The following WDFY4 variants were observed in gnomAD, a reference collection of about 807,000 sequenced individuals.
The protein encoded by WDFY4 is WD repeat- and FYVE domain-containing protein 4.
Under a neutral mutation model 351.9 loss-of-function variants are expected in WDFY4, and 169 were observed. The observed-to-expected ratio is 0.48, with a 90% CI of 0.42 to 0.55. The LOEUF is 0.55. Among genes scored for constraint, WDFY4 ranks in the 20% least tolerant of loss-of-function variants. The probability of loss-of-function intolerance (pLI) is 0.00; values close to 1 mark genes in which losing one functional copy is unlikely to be tolerated. For missense variants in WDFY4, 3,803 were observed against 3,935.6 expected, an observed-to-expected ratio of 0.97 and a Z score of 0.90; for synonymous variants, 1,622 against 1,574.6, an observed-to-expected ratio of 1.03 and a Z score of -0.71.
At chr10:48,953,333 T>TCTCTCTCA (rs771339557) in intron 51 of WDFY4, among the ~76,000 whole-genome samples, 61 of 128,224 alleles carry the variant, frequency 4.8e-4, no homozygotes, top group African/African-American at 1.3e-3. Flanking sequence ...TCTCTCTCTC[T>TCTCTCTCA]CACACACACA....
intron 57 of WDFY4, among the ~76,000 whole-genome samples, chr10:48,974,518 A>AAAAAAAAAAAAAAAAAACAAC (rs1287019683): frequency 7.1e-5 from 2 of 27,974 alleles, no homozygotes; most frequent in Non-Finnish European, 3.8e-4. Context: ...AAAAAAAAAA[A>AAAAAAAAAAAAAAAAAACAAC]AAAAAAAAAA....
At chr10:48,788,720 T>A (rs781232768) in intron 21 of WDFY4, 45 bp downstream of exon 21, 5 of 1,545,340 alleles carry the variant, frequency 3.2e-6, no homozygotes, top group Non-Finnish European at 4.4e-6. Flanking sequence ...GAATCTGGTT[T>A]CATGGTTTGC....
Position 48,804,733 on chromosome 10 carries a change from G to C in WDFY4, c.4485-527G>C, listed in dbSNP as rs1238120947. ...TATCCTGGGAGCTGTTTTCTTTGGG[G>C]GAGTAGAATTTACTGGAAATTGGAT... On this transcript the variant is annotated intron_variant, in intron 25 of 61. Coordinates refer to ENST00000325239, the MANE Select transcript of WDFY4 (RefSeq NM_001394531.1). 7.1e-6 allele frequency: 7 copies of C among 984,888 alleles called. No individual in the cohort carries two copies. In the Admixed American group the frequency reaches 1.8e-4, roughly 26 times the overall value. The allele number at this position is 984,888 out of a possible 1,614,324, so 61.0% of individuals were successfully genotyped here. A position where few individuals can be genotyped will look rare whatever the true frequency, so the allele number is the denominator to read the frequency against.
intron 23 of WDFY4, among the ~76,000 whole-genome samples, chr10:48,795,374 T>C (rs964819835): frequency 2.0e-5 from 3 of 151,342 alleles, no homozygotes; most frequent in Non-Finnish European, 4.4e-5. Context: ...TGAGTGTCAG[T>C]TTGACATTTG....
chr10:48,721,576 G>A (rs765601397), intron 4 of WDFY4, among the ~76,000 whole-genome samples: 3 of 152,194 alleles, frequency 2.0e-5, no homozygotes, highest in Admixed American at 6.5e-5. Flanking sequence ...GTGTGTAACT[G>A]TGGCCAGATT....
intron 34 of WDFY4, among the ~76,000 whole-genome samples, chr10:48,821,544 G>T (rs1219423136): frequency 6.6e-6 from 1 of 152,218 alleles, no homozygotes; most frequent in Non-Finnish European, 1.5e-5. Context: ...CGGGATAGGT[G>T]CACAGCTGAT....
At chr10:48,961,102 C>T (rs1841840352) in intron 53 of WDFY4, among the ~76,000 whole-genome samples, 1 of 152,184 alleles carries the variant, frequency 6.6e-6, no homozygotes, top group African/African-American at 2.4e-5. Context: ...GTAAAAATAA[C>T]CTGAGGCAGG....
chr10:48,764,131 C>T (rs1213357282), intron 13 of WDFY4, among the ~76,000 whole-genome samples: 1 of 152,234 alleles, frequency 6.6e-6, no homozygotes, highest in Non-Finnish European at 1.5e-5. Context: ...TCTCTCTCCT[C>T]TATGGATGAG....
rs1208115265 is a variant in WDFY4 at position 48,790,716 on chromosome 10, A to T, written c.4067-11A>T. 1.9e-6 allele frequency: 3 copies of T among 1,550,440 alleles called. No homozygotes were observed. In the East Asian group the frequency reaches 7.3e-5, roughly 38 times the overall value. ...GACATGTTGATGAAATGCCCACTTTATGCCACACAGGGGTGAGGGTATTCC... is the reference window on the plus strand; with the variant it reads ...GACATGTTGATGAAATGCCCACTTTTTGCCACACAGGGGTGAGGGTATTCC... On this transcript the variant is annotated splice_polypyrimidine_tract_variant and intron_variant, in intron 22 of 61. Coordinates refer to ENST00000325239, the MANE Select transcript of WDFY4 (RefSeq NM_001394531.1).
chr10:48,844,173 G>T (rs1027512136), intron 39 of WDFY4, among the ~76,000 whole-genome samples: 12 of 152,238 alleles, frequency 7.9e-5, no homozygotes, highest in African/African-American at 1.4e-4. Context: ...CTCAGAACAG[G>T]AAGTTCTGAA....
At chr10:48,789,699 C>T (rs2066613935) in intron 21 of WDFY4, among the ~76,000 whole-genome samples, 175 bp from the exon 22 acceptor site, 1 of 152,224 alleles carries the variant, frequency 6.6e-6, no homozygotes, top group Admixed American at 6.5e-5. Flanking sequence ...ATGCATGAGC[C>T]TGAATTTGGC....
intron 48 of WDFY4, 40 bp downstream of exon 48, chr10:48,941,888 A>T: frequency 3.2e-6 from 5 of 1,546,716 alleles, no homozygotes; most frequent in Non-Finnish European, 4.4e-6. Context: ...CTGGGAATGC[A>T]AACCAGAGAA....
rs1281234650 is a variant in WDFY4 at position 48,970,215 on chromosome 10, G to C, written c.8854G>C (p.Gly2952Arg). ...ATCCCCAACAACGATTGTCACCTCT[G>C]GGACCAGCACTGTGGTGTGTGTGTG... is the stretch of plus-strand genomic sequence containing the variant. ...CPSPTTIVTS[G>R]TSTVVCVWEL... Residue 2952 changes from glycine (G) to arginine (R), a missense_variant, in exon 57 of 62, where the codon GGG becomes CGG. By Grantham distance (125) the Gly-to-Arg change is moderately radical. Transcript: ENST00000325239. The C allele has an allele frequency of 5.8e-6, 9 of 1,551,748 alleles. No homozygotes were observed. Among genetic ancestry groups the C allele is most frequent in the Non-Finnish European group, 7.0e-6 (8 of 1,147,008 alleles).
chr10:48,916,472 A>G (rs1290448395), intron 47 of WDFY4, among the ~76,000 whole-genome samples: 1 of 152,238 alleles, frequency 6.6e-6, no homozygotes, highest in Non-Finnish European at 1.5e-5. Flanking sequence ...AGCTGGAAGA[A>G]GAGAACCATT....
chr10:48,976,104 A>G (rs1425971785), intron 58 of WDFY4, among the ~76,000 whole-genome samples: 2 of 152,174 alleles, frequency 1.3e-5, no homozygotes, highest in African/African-American at 4.8e-5. Flanking sequence ...CCTCAGACAG[A>G]CCATCCCTAA....
chr10:48,926,308 AC>A (rs750623841), intron 47 of WDFY4, among the ~76,000 whole-genome samples: 46 of 152,232 alleles, frequency 3.0e-4, no homozygotes, highest in Non-Finnish European at 5.1e-4. Flanking sequence ...TGACATTGGA[AC>A]CAAGGATTGT....
chr10:48,860,638 A>G (rs2069304090), intron 39 of WDFY4, among the ~76,000 whole-genome samples: 2 of 151,940 alleles, frequency 1.3e-5, no homozygotes, highest in South Asian at 4.2e-4. Context: ...ATATAATTTT[A>G]CTCTTTTGTA....
chr10:48,752,272 G>A (rs1288331537), intron 12 of WDFY4, among the ~76,000 whole-genome samples: 1 of 152,162 alleles, frequency 6.6e-6, no homozygotes. Context: ...AAATCCCTGG[G>A]GTTGAAATTT....
chr10:48,722,654 C>T (rs1390749654), intron 4 of WDFY4, among the ~76,000 whole-genome samples: 1 of 151,584 alleles, frequency 6.6e-6, no homozygotes, highest in African/African-American at 2.4e-5. Context: ...CACATGTGTG[C>T]ATGCACACAC....
Sources: gnomAD v4.1 joint callset for allele counts (sites outside exome capture counted in the v4.1 genomes callset) on GRCh38, gnomAD v4.1.1 for gene constraint, MANE v1.5 for transcripts, NCBI Gene and HGNC (gene_info 2026-07-23, HGNC 2026-07-21) for gene names.